PLEK2: variants seen among roughly 807,000 people sequenced by gnomAD.
PLEK2 encodes pleckstrin 2.
Under a neutral mutation model 43.8 loss-of-function variants are expected in PLEK2, and 29 were observed. The ratio of observed to expected loss-of-function variants is 0.66; its 90% CI spans 0.49 to 0.90. The LOEUF is 0.90. Ranked by LOEUF, PLEK2 falls within the 40% of genes least tolerant of loss-of-function variation. The pLI is 0.00. For synonymous variants in PLEK2, 162 were observed against 173.2 expected (o/e 0.94, Z 0.51); for missense variants, 398 against 448.1 (o/e 0.89, Z 1.01).
At chr14:67,391,073 G>T (rs1457345491) in intron 6 of PLEK2, among the ~76,000 whole-genome samples, 1 of 152,072 alleles carries the variant, frequency 6.6e-6, no homozygotes, top group Non-Finnish European at 1.5e-5. Flanking sequence ...GCTGGGCTGG[G>T]AGCACACAGG....
chr14:67,390,894 A>G, intron 6 of PLEK2, 148 bp from the exon 7 acceptor site: 1 of 711,924 alleles, frequency 1.4e-6, no homozygotes, highest in Non-Finnish European at 2.6e-6. Context: ...ACCTGAGGAT[A>G]GCAATGACAT....
At chr14:67,392,634 G>A (rs1361592012) in intron 5 of PLEK2, 28 bp downstream of exon 5, 1 of 1,589,236 alleles carries the variant, frequency 6.3e-7, no homozygotes, top group African/African-American at 1.3e-5. Context: ...TTGCCCTGGT[G>A]GCAAGAAGAA....
At chr14:67,399,969 C>T (rs2086036813) in intron 1 of PLEK2, among the ~76,000 whole-genome samples, 1 of 152,176 alleles carries the variant, frequency 6.6e-6, no homozygotes, top group Non-Finnish European at 1.5e-5. Flanking sequence ...AGGTGCTTTA[C>T]CTGAATCAAA....
At chr14:67,406,225 C>T (rs1045286639) in intron 1 of PLEK2, among the ~76,000 whole-genome samples, 14 of 150,034 alleles carry the variant, frequency 9.3e-5, no homozygotes, top group Admixed American at 5.3e-4. Context: ...CGCCACTGCA[C>T]TCCAGCCTCG....
intron 7 of PLEK2, among the ~76,000 whole-genome samples, chr14:67,390,249 C>G (rs2085956631): frequency 6.6e-6 from 1 of 151,998 alleles, no homozygotes; most frequent in Admixed American, 6.5e-5. Context: ...AGAAACTTTT[C>G]AAAACATAGG....
chr14:67,411,982 A>C (rs1595662612), intron 1 of PLEK2, 36 bp downstream of exon 1: 2 of 1,519,424 alleles, frequency 1.3e-6, no homozygotes, highest in Non-Finnish European at 1.8e-6. Context: ...GCGGGGCCCC[A>C]CCCGGGCAAT....
At chr14:67,400,962 C>T (rs2086043950) in intron 1 of PLEK2, among the ~76,000 whole-genome samples, 1 of 151,380 alleles carries the variant, frequency 6.6e-6, no homozygotes, top group Non-Finnish European at 1.5e-5. Flanking sequence ...AGCACTCCAA[C>T]CTGGGTGACA....
chr14:67,398,418 C>T (rs1190926452), intron 1 of PLEK2, among the ~76,000 whole-genome samples: 2 of 152,144 alleles, frequency 1.3e-5, no homozygotes, highest in Admixed American at 6.5e-5. Context: ...TCTCCATGTT[C>T]ACCTGACTAT....
At chr14:67,388,789 C>T (rs1012810555) in intron 7 of PLEK2, among the ~76,000 whole-genome samples, 3 of 152,134 alleles carry the variant, frequency 2.0e-5, no homozygotes, top group African/African-American at 7.2e-5. Context: ...AAGCGATTCT[C>T]CTGCCTCAGT....
At chr14:67,390,027 C>A (rs1039405330) in intron 7 of PLEK2, among the ~76,000 whole-genome samples, 4 of 152,108 alleles carry the variant, frequency 2.6e-5, no homozygotes, top group African/African-American at 9.7e-5. Flanking sequence ...TTCACTGTTT[C>A]AACAAAAACT....
At chr14:67,407,226 A>G (rs2086084612) in intron 1 of PLEK2, among the ~76,000 whole-genome samples, 1 of 151,980 alleles carries the variant, frequency 6.6e-6, no homozygotes, top group African/African-American at 2.4e-5. Flanking sequence ...GATTCAAGCA[A>G]TTCTCTTGCC....
chr14:67,396,740 T>C (rs2086013261), intron 2 of PLEK2, among the ~76,000 whole-genome samples: 2 of 152,266 alleles, frequency 1.3e-5, no homozygotes, highest in South Asian at 4.1e-4. Context: ...ATCTTTTTCC[T>C]CTTCAGGGAT....
chr14:67,398,139 C>T (rs2086024509), intron 1 of PLEK2: 1 of 234,564 alleles, frequency 4.3e-6, no homozygotes, highest in South Asian at 1.8e-4. Context: ...GTATTTCCTT[C>T]CGGTCTTTTT....
chr14:67,393,142 A>G lies in PLEK2; in HGVS notation c.481+8T>C. 2 of 1,592,062 alleles carry G rather than the reference A, an allele frequency of 1.3e-6. No individual in the cohort carries two copies. Among genetic ancestry groups the G allele is most frequent in the Non-Finnish European group, 1.7e-6 (2 of 1,159,782 alleles). On this transcript the variant is annotated splice_region_variant and intron_variant, in intron 4 of 8. Transcript: ENST00000216446. ...ACTGCCCAGCCCGGCCCTGGGGGAC[A>G]GGCTCACCGAGGAAGGTCTTTTTAT... is the stretch of plus-strand genomic sequence containing the variant.
At position 67,397,791 on chromosome 14, in the gene PLEK2, G is replaced by A; in HGVS notation, c.78C>T (p.Phe26=). The change falls in exon 2 of 9, where the codon TTC becomes TTT. Residue 26 remains phenylalanine (F), a synonymous_variant. Coordinates refer to ENST00000216446, the MANE Select transcript of PLEK2 (RefSeq NM_016445.3). ...ACACCAGCGTGTTCTGCCGAAGGATGAACCATCGCGCCTTCCAGTTGTGGA... is the reference window on the plus strand; with the variant it reads ...ACACCAGCGTGTTCTGCCGAAGGATAAACCATCGCGCCTTCCAGTTGTGGA... ...HIVHNWKARW[F]ILRQNTLVYY... The A allele has an allele frequency of 6.2e-7, 1 of 1,612,874 alleles. No homozygotes were observed. Among genetic ancestry groups the A allele is most frequent in the Non-Finnish European group, 8.5e-7 (1 of 1,179,440 alleles).
At chr14:67,405,831 C>G (rs116199380) in intron 1 of PLEK2, among the ~76,000 whole-genome samples, 1,895 of 152,318 alleles carry the variant, frequency 0.012, 46 homozygotes, top group African/African-American at 0.041. Flanking sequence ...GAATTGGACC[C>G]TACAGCCAGT....
At chr14:67,394,517 T>A (rs981179822) in intron 3 of PLEK2, among the ~76,000 whole-genome samples, 1 of 152,184 alleles carries the variant, frequency 6.6e-6, no homozygotes, top group Non-Finnish European at 1.5e-5. Flanking sequence ...CCCACCTGCC[T>A]ACCCACCTTT....
rs772485822 is a variant in PLEK2 at position 67,392,863 on chromosome 14, G to C, written c.482-14C>G. ...CCAGGGAGGAGCCTGGCCAAGGGCA[G>C]CACCAGTCAGGCGATGGGTGATGGA... On this transcript the variant is annotated splice_polypyrimidine_tract_variant and intron_variant, in intron 4 of 8. Transcript: ENST00000216446. The C allele has an allele frequency of 1.9e-6, 3 of 1,598,940 alleles. No individual in the cohort carries two copies. The Admixed American group carries it at 5.1e-5, about 27-fold the overall frequency.
intron 3 of PLEK2, among the ~76,000 whole-genome samples, chr14:67,394,570 G>A (rs371580457): frequency 6.6e-6 from 1 of 152,188 alleles, no homozygotes; most frequent in African/African-American, 2.4e-5. Context: ...ACCCATAGGA[G>A]GTGTACAGTC....
Sources: gnomAD v4.1 joint callset for allele counts (sites outside exome capture counted in the v4.1 genomes callset) on GRCh38, gnomAD v4.1.1 for gene constraint, MANE v1.5 for transcripts, NCBI Gene and HGNC (gene_info 2026-07-23, HGNC 2026-07-21) for gene names.